The following KMT2A variants were observed in gnomAD, a reference collection of about 807,000 sequenced individuals.
KMT2A encodes the protein histone-lysine N-methyltransferase 2A.
Under a neutral mutation model 345.3 loss-of-function variants are expected in KMT2A, and 16 were observed. The ratio of observed to expected loss-of-function variants is 0.05; its 90% CI spans 0.03 to 0.07. The LOEUF is 0.07. Ranked by LOEUF, KMT2A falls within the 10% of genes least tolerant of loss-of-function variation. The pLI, the probability that KMT2A is intolerant of heterozygous loss-of-function variation, is 1.00. For missense variants in KMT2A, 3,272 were observed against 4,841.6 expected (o/e 0.68, Z 9.62); for synonymous variants, 1,599 against 1,778.6 (o/e 0.90, Z 2.54).
intron 1 of KMT2A, chr11:118,448,527 A>G (rs553425903): frequency 1.1e-4 from 17 of 152,294 alleles, no homozygotes; most frequent in African/African-American, 4.1e-4. Flanking sequence ...GGGATTATTC[A>G]TATAGATTAC....
At chr11:118,516,998 A>G (rs144222529) in intron 31 of KMT2A, among the ~76,000 whole-genome samples, 24 of 152,268 alleles carry the variant, frequency 1.6e-4, no homozygotes, top group African/African-American at 5.5e-4. Flanking sequence ...AATATACTTG[A>G]GTATGTAGTA....
chr11:118,502,328 T>C lies in KMT2A; in HGVS notation c.6506-70T>C. On this transcript the variant is annotated intron_variant, in intron 26 of 35. Coordinates refer to ENST00000534358, the MANE Select transcript of KMT2A (RefSeq NM_001197104.2). The surrounding 1 kb of genome is among the most constrained non-coding windows in gnomAD (Gnocchi z 4.9). Reference sequence around the variant, plus strand: ...AATATATATATATATAGTCAAATCATTGAAACCAGTGACTTCTACACATTT... The same window carrying C: ...AATATATATATATATAGTCAAATCACTGAAACCAGTGACTTCTACACATTT... The C allele has an allele frequency of 2.0e-6, 2 of 994,412 alleles. No individual in the cohort carries two copies. The highest frequency in any genetic ancestry group is 3.0e-6 in the Non-Finnish European group (2 of 673,476). 61.6% of individuals were successfully genotyped at this position (994,412 alleles called of 1,614,324 possible).
intron 11 of KMT2A, 129 bp from the exon 12 acceptor site, chr11:118,489,663 T>C: frequency 1.4e-6 from 1 of 700,746 alleles, no homozygotes; most frequent in African/African-American, 1.8e-5. Flanking sequence ...AAATAATGTA[T>C]GAGGAAATTT....
chr11:118,472,982 G>A lies in KMT2A; in HGVS notation c.1823G>A (p.Arg608Gln), dbSNP rs2134264585. ...PASTAPMQGK[R>Q]KSILREPTFR... ...TCCACTGCTCCTATGCAAGGGAAGC[G>A]AAAATCTATTTTGCGAGAACCGACA... Residue 608 changes from arginine (R) to glutamine (Q), a missense_variant, in exon 3 of 36, where the codon CGA becomes CAA. This residue lies in a region of KMT2A where 114 missense variants were observed against 203.2 expected (regional missense o/e 0.56). Coordinates refer to ENST00000534358, the MANE Select transcript of KMT2A (RefSeq NM_001197104.2). The A allele has an allele frequency of 6.2e-7, 1 of 1,614,088 alleles. No individual in the cohort carries two copies.
chr11:118,457,242 T>C (rs1456247960), intron 1 of KMT2A, among the ~76,000 whole-genome samples: 1 of 148,984 alleles, frequency 6.7e-6, no homozygotes, highest in Non-Finnish European at 1.5e-5. Context: ...AGACCTTTCA[T>C]GATACACCTC....
At chr11:118,447,055 G>A (rs370130777) in intron 1 of KMT2A, among the ~76,000 whole-genome samples, 5 of 152,026 alleles carry the variant, frequency 3.3e-5, no homozygotes, top group African/African-American at 9.7e-5. Flanking sequence ...CTTATTATTC[G>A]TCTCCCATGG....
rs1015042253 is a variant in KMT2A at position 118,497,130 on chromosome 11, G to A, written c.5664+763G>A. ...AGCAATTCTCCTGCCTCAGCCTCCC[G>A]AGTAGCTGGGATTACAGGCATGTGC... On this transcript the variant is annotated intron_variant, in intron 20 of 35. Coordinates refer to ENST00000534358, the MANE Select transcript of KMT2A (RefSeq NM_001197104.2). The surrounding 1 kb of genome is among the most constrained non-coding windows in gnomAD (Gnocchi z 4.8). Among the ~76,000 whole-genome samples the A allele has an allele frequency of 1.3e-5, 2 of 152,100 alleles. No homozygotes were observed. Among genetic ancestry groups the A allele is most frequent in the Admixed American group, 1.3e-4 (2 of 15,282 alleles).
Position 118,506,445 on chromosome 11 carries a change from C to A in KMT2A, c.10553C>A (p.Ser3518Tyr). 6.2e-7 allele frequency: 1 copy of A among 1,614,220 alleles called. No individual in the cohort carries two copies. Among genetic ancestry groups the A allele is most frequent in the Non-Finnish European group, 8.5e-7 (1 of 1,180,040 alleles). The stretch of plus-strand genomic sequence containing the variant: ...GCCAGCCCCACCTCTCCTGGGGGTT[C>A]TCCATCCTCTCCATCTTCTGGACAG... ...VQASPTSPGG[S>Y]PSSPSSGQRS... The change falls in exon 27 of 36, where the codon TCT (serine) becomes TAT (tyrosine). Residue 3518 changes from serine to tyrosine, a missense_variant. This residue lies in a region of KMT2A where 748 missense variants were observed against 922.2 expected (regional missense o/e 0.81). Coordinates refer to ENST00000534358, the MANE Select transcript of KMT2A (RefSeq NM_001197104.2).
rs1228452696 is a variant in KMT2A at position 118,521,828 on chromosome 11, T to C, written c.11644-69T>C. On this transcript the variant is annotated intron_variant, in intron 35 of 35. Coordinates refer to ENST00000534358, the MANE Select transcript of KMT2A (RefSeq NM_001197104.2). The surrounding 1 kb of genome is among the most constrained non-coding windows in gnomAD (Gnocchi z 5.3). ...CGCTATAGGTAACATCAAGAGAAGA[T>C]TGGGACATGTTCTTAAAGCTGAGTT... 3.6e-5 allele frequency: 55 copies of C among 1,513,502 alleles called. No individual in the cohort carries two copies. The highest frequency in any genetic ancestry group is 4.6e-5 in the Non-Finnish European group (51 of 1,101,238). 93.8% of individuals were successfully genotyped at this position (1,513,502 alleles called of 1,614,324 possible).
At chr11:118,467,019 TA>T (rs202054321) in intron 1 of KMT2A, among the ~76,000 whole-genome samples, 199 of 149,612 alleles carry the variant, frequency 1.3e-3, no homozygotes, top group African/African-American at 4.6e-3. Flanking sequence ...AATATGTAAT[TA>T]AAAAAAAAAT....
intron 1 of KMT2A, among the ~76,000 whole-genome samples, chr11:118,443,080 G>T (rs1379545194): frequency 6.6e-6 from 1 of 152,170 alleles, no homozygotes; most frequent in African/African-American, 2.4e-5. Context: ...TAAAGCTGGA[G>T]GCCTGCACTC....
In KMT2A at chr11:118,505,738, C is replaced by G. The variant is rs782702303; in HGVS notation, c.9846C>G (p.His3282Gln). 7 of 1,614,062 alleles carry G rather than the reference C, an allele frequency of 4.3e-6. No homozygotes were observed. In the African/African-American group the frequency reaches 9.3e-5, roughly 22 times the overall value. ...LDLGSLNTSS[H>Q]RTVPNIIKRS... The stretch of plus-strand genomic sequence containing the variant: ...TGGGGTCACTTAATACTTCATCTCA[C>G]CGAACTGTCCCCAACATCATAAAAA... Residue 3282 changes from histidine to glutamine, a missense_variant, in exon 27 of 36, where the codon CAC becomes CAG. Around this residue, in one of 27 missense-constraint regions of KMT2A, gnomAD observed 748 missense variants for 922.2 expected, o/e 0.81. Coordinates refer to ENST00000534358, the MANE Select transcript of KMT2A (RefSeq NM_001197104.2). This position sits in a 1 kb window ranked among gnomAD's most constrained non-coding sequence, Gnocchi z 4.6.
Position 118,481,780 on chromosome 11 carries a change from G to C in KMT2A, c.3700G>C (p.Val1234Leu), listed in dbSNP as rs374632181. The C allele has an allele frequency of 1.5e-5, 25 of 1,614,196 alleles. No individual in the cohort carries two copies. The highest frequency in any genetic ancestry group is 2.1e-5 in the Non-Finnish European group (25 of 1,180,030). ...GAAAGACAGCAAAGAGAGCAGTGTT[G>C]TGAAGAACGTGGTGGACTCTAGTCA... ...EKKDSKESSV[V>L]KNVVDSSQKP... Residue 1234 changes from valine to leucine, a missense_variant, in exon 7 of 36, where the codon GTG (valine) becomes CTG (leucine). Physicochemically the swap from Val to Leu is conservative, Grantham distance 32 (BLOSUM62 1). Transcript: ENST00000534358.
chr11:118,455,933 C>T (rs1949633832), intron 1 of KMT2A, among the ~76,000 whole-genome samples: 1 of 152,122 alleles, frequency 6.6e-6, no homozygotes, highest in South Asian at 2.1e-4. Flanking sequence ...AAGCAAGCTG[C>T]CTGCTTCAGC....
chr11:118,443,165 C>T (rs1949347922), intron 1 of KMT2A, among the ~76,000 whole-genome samples: 1 of 152,024 alleles, frequency 6.6e-6, no homozygotes, highest in Non-Finnish European at 1.5e-5. Flanking sequence ...TGCTACTGGC[C>T]CTGTGGCTGA....
intron 15 of KMT2A, among the ~76,000 whole-genome samples, 179 bp from the exon 16 acceptor site, chr11:118,492,878 A>G (rs1287211106): frequency 6.6e-6 from 1 of 152,220 alleles, no homozygotes; most frequent in Non-Finnish European, 1.5e-5. Context: ...TAGCTAAGCT[A>G]TTACATAACA....
intron 1 of KMT2A, among the ~76,000 whole-genome samples, chr11:118,459,751 T>G (rs1220479802): frequency 6.6e-6 from 1 of 151,750 alleles, no homozygotes; most frequent in Non-Finnish European, 1.5e-5. Context: ...CACTGCAACC[T>G]CTACCCGGCC....
intron 1 of KMT2A, among the ~76,000 whole-genome samples, chr11:118,446,985 G>A (rs1949434751): frequency 6.6e-6 from 1 of 152,100 alleles, no homozygotes; most frequent in Non-Finnish European, 1.5e-5. Context: ...ATCTGCCTTT[G>A]TACCTTTGCT....
In KMT2A at chr11:118,490,643, T is replaced by C. The variant is rs1748174568; in HGVS notation, c.4696+394T>C. Among the ~76,000 whole-genome samples, 1 of 152,110 alleles carries C rather than the reference T, an allele frequency of 6.6e-6. No individual in the cohort carries two copies. The highest frequency in any genetic ancestry group is 6.5e-5 in the Admixed American group (1 of 15,278). The stretch of plus-strand genomic sequence containing the variant: ...TTATATTACTGACTTAGGATAATCA[T>C]ATAAAGTTCACTGTTTTAAGTAAGA... On this transcript the variant is annotated intron_variant, in intron 13 of 35. Coordinates refer to ENST00000534358, the MANE Select transcript of KMT2A (RefSeq NM_001197104.2). This position sits in a 1 kb window ranked among gnomAD's most constrained non-coding sequence, Gnocchi z 4.2.
Sources: gnomAD v4.1 joint callset for allele counts (sites outside exome capture counted in the v4.1 genomes callset) on GRCh38, gnomAD v4.1.1 for gene constraint, gnomAD v4.1.1 regional missense constraint, Gnocchi (gnomAD v3.1) non-coding constraint, MANE v1.5 for transcripts, NCBI Gene and HGNC (gene_info 2026-07-23, HGNC 2026-07-21) for gene names.